Variants in SLCO3A1 observed in about 807,000 individuals in gnomAD.
The protein encoded by SLCO3A1 is PGE1 transporter.
In SLCO3A1, 27 loss-of-function variants were observed where a neutral mutation model predicts 63.1. That is an observed-to-expected ratio of 0.43 (90% confidence interval 0.32 to 0.59). The LOEUF is 0.59. SLCO3A1 is among the 20% of genes least tolerant of loss of function. The pLI is 0.09. For missense variants in SLCO3A1, 773 were observed against 945.8 expected (o/e 0.82, Z 2.40); for synonymous variants, 473 against 409.9 (o/e 1.15, Z -1.86).
At chr15:91,925,942 A>G (rs770808529) in intron 2 of SLCO3A1, among the ~76,000 whole-genome samples, 2 of 152,170 alleles carry the variant, frequency 1.3e-5, no homozygotes, top group Non-Finnish European at 2.9e-5. Context: ...CTGCCTCATC[A>G]GGCTTGAGTG....
In SLCO3A1 at chr15:92,131,881, T is replaced by C. The variant is rs950229417; in HGVS notation, c.1512+3392T>C. Among the ~76,000 whole-genome samples the C allele has an allele frequency of 3.4e-5, 5 of 146,024 alleles. 1 individual carries two copies. Among genetic ancestry groups the C allele is most frequent in the Non-Finnish European group, 7.7e-5 (5 of 65,200 alleles). ...TTAGTGCCCTTCCTGCAAACCCCTA[T>C]TGCCCCTGCTCTTGCCTAGCAAGGC... On this transcript the variant is annotated intron_variant, in intron 7 of 9. Coordinates refer to ENST00000318445, the MANE Select transcript of SLCO3A1 (RefSeq NM_013272.4).
Position 92,165,717 on chromosome 15 carries a change from A to G in SLCO3A1, c.*2582A>G, listed in dbSNP as rs1198916764. 1.8e-5 allele frequency: 18 copies of G among 985,320 alleles called. No individual in the cohort carries two copies. Among genetic ancestry groups the G allele is most frequent in the Non-Finnish European group, 2.0e-5 (17 of 829,836 alleles). The allele number at this position is 985,320 out of a possible 1,614,324, so 61.0% of individuals were successfully genotyped here. A position where few individuals can be genotyped will look rare whatever the true frequency, so the allele number is the denominator to read the frequency against. On this transcript the variant is annotated 3_prime_UTR_variant, in exon 10 of 10. Coordinates refer to ENST00000318445, the MANE Select transcript of SLCO3A1 (RefSeq NM_013272.4). Reference sequence around the variant, plus strand: ...AAAATTTTAATTATTCTCATATAGTACCGAACAGAAAACTCAGTCTAGTTT... The same window carrying G: ...AAAATTTTAATTATTCTCATATAGTGCCGAACAGAAAACTCAGTCTAGTTT...
chr15:92,025,696 C>G (rs942454011), intron 2 of SLCO3A1, among the ~76,000 whole-genome samples: 5 of 152,210 alleles, frequency 3.3e-5, no homozygotes, highest in Non-Finnish European at 7.3e-5. Context: ...GTAGCTGTCT[C>G]TATGAGTTTA....
Position 91,905,699 on chromosome 15 carries a change from A to G in SLCO3A1, c.181-10294A>G, listed in dbSNP as rs184886537. ...TGCTACATAATATATATTTTGATGG[A>G]TTTTTGACAGTAAATGTTACCATTT... On this transcript the variant is annotated intron_variant, in intron 1 of 9. Transcript: ENST00000318445. 1.5e-4 allele frequency among the ~76,000 whole-genome samples: 22 copies of G among 151,658 alleles called. No homozygotes were observed. The East Asian group carries it at 4.1e-3, about 28-fold the overall frequency.
Position 92,163,178 on chromosome 15 carries a change from C to A in SLCO3A1, c.*43C>A. On this transcript the variant is annotated 3_prime_UTR_variant, in exon 10 of 10. Transcript: ENST00000318445. ...AACTCTGTATTAGTAATCCAAGGGT[C>A]ATTTTTTTCTTAAAAAAAGAAAAAA... 3 of 1,411,912 alleles carry A rather than the reference C, an allele frequency of 2.1e-6. No individual in the cohort carries two copies. Among genetic ancestry groups the A allele is most frequent in the South Asian group, 3.7e-5 (2 of 53,410 alleles). 87.5% of individuals were successfully genotyped at this position (1,411,912 alleles called of 1,614,324 possible). A position where few individuals can be genotyped will look rare whatever the true frequency, so the allele number is the denominator to read the frequency against.
In SLCO3A1 at chr15:91,897,614, C is replaced by T. The variant is rs1428696778; in HGVS notation, c.181-18379C>T. ...GCTGGTGCCTTTGACTATCTCAAAA[C>T]GTGGCTGCAGGTGTTTTCCCTAGCT... is the stretch of plus-strand genomic sequence containing the variant. On this transcript the variant is annotated intron_variant, in intron 1 of 9. Coordinates refer to ENST00000318445, the MANE Select transcript of SLCO3A1 (RefSeq NM_013272.4). This position sits in a 1 kb window ranked among gnomAD's most constrained non-coding sequence, Gnocchi z 4.7. Among the ~76,000 whole-genome samples, 5 of 152,164 alleles carry T rather than the reference C, an allele frequency of 3.3e-5. No homozygotes were observed. Among genetic ancestry groups the T allele is most frequent in the East Asian group, 1.9e-4 (1 of 5,196 alleles).
intron 2 of SLCO3A1, among the ~76,000 whole-genome samples, chr15:91,946,839 G>A (rs1402865364): frequency 6.6e-6 from 1 of 152,198 alleles, no homozygotes; most frequent in African/African-American, 2.4e-5. Flanking sequence ...CCGAGGAAGG[G>A]CAGGTCGGCG....
intron 2 of SLCO3A1, among the ~76,000 whole-genome samples, chr15:92,022,113 G>A (rs1414631398): frequency 6.6e-6 from 1 of 152,228 alleles, no homozygotes; most frequent in Admixed American, 6.5e-5. Context: ...CCTTTTAGGG[G>A]AGATAAAACA....
intron 7 of SLCO3A1, among the ~76,000 whole-genome samples, chr15:92,143,888 G>A (rs535376263): frequency 1.2e-4 from 18 of 152,264 alleles, no homozygotes; most frequent in African/African-American, 4.1e-4. Flanking sequence ...ATCCCAGGAA[G>A]CTGTGCGGCA....
At chr15:92,111,063 G>C (rs1313376262) in intron 4 of SLCO3A1, among the ~76,000 whole-genome samples, 1 of 152,186 alleles carries the variant, frequency 6.6e-6, no homozygotes, top group African/African-American at 2.4e-5. Flanking sequence ...CTTCTGGCAG[G>C]TGCTTTACAT....
chr15:91,956,332 A>G (rs1467309961), intron 2 of SLCO3A1, among the ~76,000 whole-genome samples: 1 of 152,180 alleles, frequency 6.6e-6, no homozygotes, highest in Non-Finnish European at 1.5e-5. Context: ...TGTTGGGGAT[A>G]AAGCGTGACT....
At chr15:92,028,796 A>G (rs1440870802) in intron 2 of SLCO3A1, among the ~76,000 whole-genome samples, 2 of 152,182 alleles carry the variant, frequency 1.3e-5, no homozygotes, top group Non-Finnish European at 2.9e-5. Context: ...GGAGAATGCC[A>G]GAAGTTTGGC....
intron 2 of SLCO3A1, among the ~76,000 whole-genome samples, chr15:91,989,362 G>A (rs184333822): frequency 1.3e-5 from 2 of 152,280 alleles, no homozygotes; most frequent in East Asian, 3.9e-4. Context: ...CAACTCTGGG[G>A]CATCAGCCTT....
At chr15:91,938,026 G>A (rs1245700568) in intron 2 of SLCO3A1, among the ~76,000 whole-genome samples, 1 of 152,146 alleles carries the variant, frequency 6.6e-6, no homozygotes, top group African/African-American at 2.4e-5. Context: ...CTGGCTCAGA[G>A]GAAGCAATCA....
At chr15:92,030,803 G>A (rs1268857105) in intron 2 of SLCO3A1, among the ~76,000 whole-genome samples, 1 of 152,128 alleles carries the variant, frequency 6.6e-6, no homozygotes, top group East Asian at 1.9e-4. Context: ...CGCATTCTAA[G>A]TACACCGGTG....
At chr15:91,996,786 G>T (rs757671264) in intron 2 of SLCO3A1, among the ~76,000 whole-genome samples, 1 of 152,026 alleles carries the variant, frequency 6.6e-6, no homozygotes, top group Non-Finnish European at 1.5e-5. Flanking sequence ...GTTAGCAAAT[G>T]AAAGGGACAA....
chr15:92,090,594 G>A (rs1015794456), intron 2 of SLCO3A1, among the ~76,000 whole-genome samples: 4 of 152,278 alleles, frequency 2.6e-5, no homozygotes, highest in Admixed American at 2.6e-4. Context: ...CAGTCAGTCT[G>A]GATGCTGATG....
chr15:92,036,628 T>G (rs982697100), intron 2 of SLCO3A1, among the ~76,000 whole-genome samples: 3 of 152,196 alleles, frequency 2.0e-5, no homozygotes, highest in African/African-American at 7.2e-5. Flanking sequence ...TGGTCCTGAG[T>G]TCTAGCTTTG....
intron 4 of SLCO3A1, among the ~76,000 whole-genome samples, chr15:92,107,969 C>T (rs567961657): frequency 1.3e-5 from 2 of 152,312 alleles, no homozygotes; most frequent in African/African-American, 4.8e-5. Context: ...TTATTCCTGT[C>T]TATAGATGAG....
Sources: allele counts gnomAD v4.1 joint callset (sites outside exome capture counted in the v4.1 genomes callset), GRCh38; gene constraint gnomAD v4.1.1; non-coding constraint Gnocchi (gnomAD v3.1); transcripts MANE v1.5; gene names NCBI Gene and HGNC (gene_info 2026-07-23, HGNC 2026-07-21).